The following ZNF804B variants were observed in gnomAD, a reference collection of about 807,000 sequenced individuals.
The protein encoded by ZNF804B is zinc finger 804B.
ZNF804B carries 80 observed loss-of-function variants against 101.4 expected under a neutral mutation model. The ratio of observed to expected loss-of-function variants is 0.79; its 90% CI spans 0.66 to 0.95. ZNF804B has a LOEUF of 0.95. Ranked by LOEUF, ZNF804B falls within the 40% of genes least tolerant of loss-of-function variation. The pLI is 0.00. For missense variants in ZNF804B, 1,673 were observed against 1,561.9 expected, an observed-to-expected ratio of 1.07 and a Z score of -1.20; for synonymous variants, 622 against 558.8, an observed-to-expected ratio of 1.11 and a Z score of -1.59.
chr7:89,219,193 T>C (rs1020351529), intron 2 of ZNF804B, among the ~76,000 whole-genome samples: 1 of 152,096 alleles, frequency 6.6e-6, no homozygotes, highest in African/African-American at 2.4e-5. Context: ...CTTAACTAGT[T>C]AGTGACAGAT....
intron 1 of ZNF804B, among the ~76,000 whole-genome samples, chr7:88,769,160 T>G (rs1299275194): frequency 6.6e-6 from 1 of 152,202 alleles, no homozygotes; most frequent in Admixed American, 6.5e-5. Context: ...TTGTCTTAGT[T>G]AATTTAATGA....
intron 1 of ZNF804B, among the ~76,000 whole-genome samples, chr7:88,972,695 A>T (rs1318352311): frequency 1.3e-5 from 2 of 151,510 alleles, no homozygotes; most frequent in African/African-American, 4.8e-5. Flanking sequence ...CCTTTAAAAA[A>T]ATATAGTTAG....
At chr7:88,889,542 G>A (rs1037808443) in intron 1 of ZNF804B, among the ~76,000 whole-genome samples, 1 of 141,498 alleles carries the variant, frequency 7.1e-6, no homozygotes, top group African/African-American at 2.8e-5. Flanking sequence ...TAGTGATGAT[G>A]AGCATTTTTT....
chr7:89,136,594 A>T (rs1790637447), intron 1 of ZNF804B, among the ~76,000 whole-genome samples: 2 of 152,104 alleles, frequency 1.3e-5, no homozygotes, highest in African/African-American at 2.4e-5. Flanking sequence ...TAGGTGCTTC[A>T]CATCAGTGGA....
At chr7:89,309,037 A>G (rs751454714) in intron 2 of ZNF804B, among the ~76,000 whole-genome samples, 34 of 152,146 alleles carry the variant, frequency 2.2e-4, no homozygotes, top group Non-Finnish European at 3.7e-4. Flanking sequence ...GGTTTGCTAC[A>G]TAAGTATATT....
chr7:89,304,686 G>A (rs1398478367), intron 2 of ZNF804B, among the ~76,000 whole-genome samples: 2 of 151,900 alleles, frequency 1.3e-5, no homozygotes, highest in African/African-American at 2.4e-5. Context: ...AGGAGAACCT[G>A]CTAAATTCAA....
Position 89,337,335 on chromosome 7 carries a change from A to C in ZNF804B, c.*303A>C, listed in dbSNP as rs1218658304. ...ATGTTATAAAATAGCAACAGAAAAC[A>C]TTCAAGCAGAGCATTAAAATTAAAA... On this transcript the variant is annotated 3_prime_UTR_variant, in exon 4 of 4. Transcript: ENST00000333190. Among the ~76,000 whole-genome samples the C allele has an allele frequency of 3.3e-5, 5 of 152,174 alleles. No individual in the cohort carries two copies. The highest frequency in any genetic ancestry group is 6.6e-5 in the Admixed American group (1 of 15,250).
intron 1 of ZNF804B, among the ~76,000 whole-genome samples, chr7:89,067,545 A>G (rs1044293541): frequency 1.3e-5 from 2 of 152,146 alleles, no homozygotes; most frequent in Non-Finnish European, 2.9e-5. Context: ...CGGACACAGC[A>G]AACACCCATG....
At chr7:89,247,318 T>C (rs764398389) in intron 2 of ZNF804B, among the ~76,000 whole-genome samples, 92 of 152,176 alleles carry the variant, frequency 6.0e-4, no homozygotes, top group Non-Finnish European at 1.5e-4. Flanking sequence ...ACTCCACAAA[T>C]CAGGCCATTG....
At chr7:88,783,492 C>A (rs1022992471) in intron 1 of ZNF804B, among the ~76,000 whole-genome samples, 1 of 152,186 alleles carries the variant, frequency 6.6e-6, no homozygotes, top group Admixed American at 6.6e-5. Flanking sequence ...TGTCTTCATC[C>A]ATAATATCTT....
At chr7:89,320,104 G>A (rs917523627) in intron 2 of ZNF804B, among the ~76,000 whole-genome samples, 2 of 151,992 alleles carry the variant, frequency 1.3e-5, no homozygotes, top group African/African-American at 4.8e-5. Flanking sequence ...TGTAGGTGAT[G>A]GGTTGATGGG....
At chr7:89,067,852 C>A (rs1408964223) in intron 1 of ZNF804B, among the ~76,000 whole-genome samples, 1 of 133,242 alleles carries the variant, frequency 7.5e-6, no homozygotes, top group Non-Finnish European at 1.6e-5. Context: ...GAGACAGAGT[C>A]TTACTCTGTC....
At chr7:88,886,695 T>G (rs1387753594) in intron 1 of ZNF804B, among the ~76,000 whole-genome samples, 1 of 151,418 alleles carries the variant, frequency 6.6e-6, no homozygotes, top group Admixed American at 6.6e-5. Flanking sequence ...GATTTCACAA[T>G]GACAAGAAGA....
At chr7:89,251,249 G>C (rs1789535337) in intron 2 of ZNF804B, among the ~76,000 whole-genome samples, 1 of 152,074 alleles carries the variant, frequency 6.6e-6, no homozygotes, top group Admixed American at 6.6e-5. Flanking sequence ...CAAAGTTTCA[G>C]GATACAAAAT....
intron 1 of ZNF804B, among the ~76,000 whole-genome samples, chr7:89,184,635 A>C (rs1788348792): frequency 6.6e-6 from 1 of 152,060 alleles, no homozygotes; most frequent in African/African-American, 2.4e-5. Context: ...ACAGAAATGG[A>C]TTTGATCACT....
At position 88,806,627 on chromosome 7, in the gene ZNF804B, GTGTGTGTGTA is replaced by G. The variant is rs917032857; in HGVS notation, c.108+46563_108+46572del. On this transcript the variant is annotated intron_variant, in intron 1 of 3. Transcript: ENST00000333190. The stretch of plus-strand genomic sequence containing the variant: ...TATCTCATTTGAGGGGTGTGTGTGT[GTGTGTGTGTA>G]TGTGTGTGTATGTGTGTGTGTTGTT... Among the ~76,000 whole-genome samples, 303 of 152,076 alleles carry G rather than the reference GTGTGTGTGTA, an allele frequency of 2.0e-3. 1 individual carries two copies. Among genetic ancestry groups the G allele is most frequent in the African/African-American group, 6.9e-3 (285 of 41,506 alleles).
At chr7:89,116,680 C>G (rs189100988) in intron 1 of ZNF804B, among the ~76,000 whole-genome samples, 2 of 152,244 alleles carry the variant, frequency 1.3e-5, no homozygotes, top group Admixed American at 1.3e-4. Context: ...GATATATACC[C>G]ATAGTCTTTA....
At chr7:89,240,080 G>C (rs1789344613) in intron 2 of ZNF804B, among the ~76,000 whole-genome samples, 1 of 150,904 alleles carries the variant, frequency 6.6e-6, no homozygotes, top group Admixed American at 6.6e-5. Flanking sequence ...AAAATGTCTT[G>C]ATTTCTAGTT....
chr7:89,337,056 GATA>G lies in ZNF804B; in HGVS notation c.*27_*29del. ...AATAAGTGTTAAAGCCCCTCCTGTGGATAATTTTTTTAATTGTCACTACCTATA... is the reference window on the plus strand; with the variant it reads ...AATAAGTGTTAAAGCCCCTCCTGTGGATTTTTTTAATTGTCACTACCTATA... On this transcript the variant is annotated 3_prime_UTR_variant, in exon 4 of 4. Coordinates refer to ENST00000333190, the MANE Select transcript of ZNF804B (RefSeq NM_181646.5). 3 of 1,576,074 alleles carry G rather than the reference GATA, an allele frequency of 1.9e-6. No homozygotes were observed. Among genetic ancestry groups the G allele is most frequent in the Non-Finnish European group, 1.7e-6 (2 of 1,160,490 alleles).
Sources: allele counts gnomAD v4.1 joint callset (sites outside exome capture counted in the v4.1 genomes callset), GRCh38; gene constraint gnomAD v4.1.1; transcripts MANE v1.5; gene names NCBI Gene and HGNC (gene_info 2026-07-23, HGNC 2026-07-21).